The following TMEFF2 variants were observed in gnomAD, a reference collection of about 807,000 sequenced individuals.
TMEFF2 encodes tomoregulin-2.
Under a neutral mutation model 53.8 loss-of-function variants are expected in TMEFF2, and 28 were observed. That is an observed-to-expected ratio of 0.52 (90% CI 0.39 to 0.71). TMEFF2 has a LOEUF of 0.71. TMEFF2 is among the 30% of genes least tolerant of loss of function. TMEFF2 has a pLI of 0.00. For missense variants in TMEFF2, 353 were observed against 455.2 expected (o/e 0.78, Z 2.04); for synonymous variants, 162 against 166.3 (o/e 0.97, Z 0.20).
intron 5 of TMEFF2, among the ~76,000 whole-genome samples, chr2:192,024,908 T>C (rs891028443): frequency 6.6e-6 from 1 of 152,218 alleles, no homozygotes; most frequent in African/African-American, 2.4e-5. Context: ...ATTGCATGGA[T>C]AATTTCCTAT....
chr2:191,977,069 A>G (rs1161124519), intron 7 of TMEFF2, among the ~76,000 whole-genome samples: 2 of 152,234 alleles, frequency 1.3e-5, no homozygotes, highest in African/African-American at 4.8e-5. Context: ...TGCTCAATAA[A>G]TGAAAGTGGC....
chr2:192,194,006 A>G lies in TMEFF2; in HGVS notation c.172+347T>C, dbSNP rs144654384. Among the ~76,000 whole-genome samples, 457 of 152,298 alleles carry G rather than the reference A, an allele frequency of 3.0e-3. 1 individual carries two copies. Among genetic ancestry groups the G allele is most frequent in the Non-Finnish European group, 5.1e-3 (348 of 68,022 alleles). ...TAAGACTTTTTTCTTTAATGATGACAAAGCTTCTGTTTCAGTGTTTCCCCT... is the reference window on the plus strand; with the variant it reads ...TAAGACTTTTTTCTTTAATGATGACGAAGCTTCTGTTTCAGTGTTTCCCCT... On this transcript the variant is annotated intron_variant, in intron 1 of 9. Coordinates refer to ENST00000272771, the MANE Select transcript of TMEFF2 (RefSeq NM_016192.4). The surrounding 1 kb of genome is among the most constrained non-coding windows in gnomAD (Gnocchi z 4.2).
At position 191,955,524 on chromosome 2, in the gene TMEFF2, A is replaced by ATTTTTTTTTTTTTTT. The variant is rs71405028; in HGVS notation, c.869+716_869+730dup. 8.9e-3 allele frequency among the ~76,000 whole-genome samples: 539 copies of ATTTTTTTTTTTTTTT among 60,252 alleles called. 133 individuals are homozygous for ATTTTTTTTTTTTTTT. Among genetic ancestry groups the ATTTTTTTTTTTTTTT allele is most frequent in the African/African-American group, 0.016 (241 of 15,154 alleles). 39.5% of individuals were successfully genotyped at this position (60,252 alleles called of 152,430 possible). ...TGCCACCGTGCCTGGCTAATTCTTAATTTTTTTTTTTTTTTTTTTTTTTTA... is the reference window on the plus strand; with the variant it reads ...TGCCACCGTGCCTGGCTAATTCTTAATTTTTTTTTTTTTTTTTTTTTTTTTTTTTTTTTTTTTTTA... On this transcript the variant is annotated intron_variant, in intron 8 of 9. Transcript: ENST00000272771.
intron 5 of TMEFF2, among the ~76,000 whole-genome samples, chr2:192,051,115 G>A (rs1687760083): frequency 6.6e-6 from 1 of 152,076 alleles, no homozygotes; most frequent in Non-Finnish European, 1.5e-5. Context: ...TAAATGGAGG[G>A]AGGTCATACC....
intron 4 of TMEFF2, among the ~76,000 whole-genome samples, chr2:192,111,343 G>A (rs1419819861): frequency 2.0e-5 from 3 of 152,118 alleles, no homozygotes; most frequent in Non-Finnish European, 4.4e-5. Flanking sequence ...ATGGAGATGA[G>A]GAACTTGTTG....
intron 4 of TMEFF2, among the ~76,000 whole-genome samples, chr2:192,163,238 C>T (rs1468516606): frequency 2.0e-5 from 3 of 152,184 alleles, no homozygotes; most frequent in Middle Eastern, 6.8e-3. Context: ...ATAGGTAAAG[C>T]GCTATTGTGT....
At chr2:192,050,267 C>G (rs561015747) in intron 5 of TMEFF2, among the ~76,000 whole-genome samples, 13 of 152,268 alleles carry the variant, frequency 8.5e-5, no homozygotes, top group Admixed American at 5.9e-4. Context: ...GGGTTTGTAG[C>G]TGTCATAACC....
intron 7 of TMEFF2, among the ~76,000 whole-genome samples, chr2:191,993,429 C>T (rs577034879): frequency 4.6e-5 from 7 of 152,022 alleles, no homozygotes; most frequent in Admixed American, 1.3e-4. Flanking sequence ...CACAGGAACT[C>T]GACGCAGGCC....
chr2:192,144,356 C>T (rs115209344), intron 4 of TMEFF2, among the ~76,000 whole-genome samples: 2 of 152,156 alleles, frequency 1.3e-5, no homozygotes, highest in African/African-American at 4.8e-5. Context: ...TTATCTGATG[C>T]TTTAAAAATT....
At chr2:192,042,478 G>A (rs540311492) in intron 5 of TMEFF2, among the ~76,000 whole-genome samples, 1 of 152,296 alleles carries the variant, frequency 6.6e-6, no homozygotes, top group Admixed American at 6.5e-5. Context: ...GTGATAGGAA[G>A]TGAAATCCGT....
intron 3 of TMEFF2, 38 bp downstream of exon 3, chr2:192,184,312 TGGAA>T (rs1263797080): frequency 1.2e-6 from 2 of 1,600,692 alleles, no homozygotes; most frequent in Admixed American, 1.7e-5. Flanking sequence ...TTTTTGGATT[TGGAA>T]TCCATGCAGA....
rs76200080 is a variant in TMEFF2, at chr2:191,981,493, A to G, written c.745+16769T>C. 9.0e-3 allele frequency among the ~76,000 whole-genome samples: 1,376 copies of G among 152,276 alleles called. 14 individuals carry two copies. The highest frequency in any genetic ancestry group is 0.03 in the African/African-American group (1,265 of 41,550). On this transcript the variant is annotated intron_variant, in intron 7 of 9. Transcript: ENST00000272771. ...AGCTATGCTTTCCTCATTATACCTG[A>G]TCCCCAGGCAGGTTGTGAAGAGATG...
At chr2:191,964,229 TTTCCTTCCTTCC>T (rs138916856) in intron 7 of TMEFF2, among the ~76,000 whole-genome samples, 5 of 140,800 alleles carry the variant, frequency 3.6e-5, no homozygotes, top group East Asian at 4.2e-4. Context: ...TCTGTCTTTC[TTTCCTTCCTTCC>T]TTCCTTCCTT....
chr2:191,995,943 A>G (rs1686211732), intron 7 of TMEFF2, among the ~76,000 whole-genome samples: 1 of 151,974 alleles, frequency 6.6e-6, no homozygotes, highest in African/African-American at 2.4e-5. Flanking sequence ...CTGGACTACA[A>G]TGAGTGACAG....
chr2:192,179,657 G>A lies in TMEFF2; in HGVS notation c.439+11C>T. The A allele has an allele frequency of 1.9e-6, 3 of 1,553,656 alleles. No individual in the cohort carries two copies. Among genetic ancestry groups the A allele is most frequent in the Non-Finnish European group, 2.6e-6 (3 of 1,153,480 alleles). ...AGTAAATCTTCAAATATGTAAAAAG[G>A]CAACTCCTACCTCCATCTCCAGATC... On this transcript the variant is annotated intron_variant, in intron 4 of 9. Transcript: ENST00000272771.
chr2:192,184,458 C>T lies in TMEFF2; in HGVS notation c.308G>A (p.Cys103Tyr), dbSNP rs1245580000. Reference sequence around the variant, plus strand: ...CTGGTAGCTCTCCCCATTGGAGCCACACACAGGCACATAGTCATTGTTGCA... The same window carrying T: ...CTGGTAGCTCTCCCCATTGGAGCCATACACAGGCACATAGTCATTGTTGCA... The part of the protein sequence containing the change: ...FKCNNDYVPV[C>Y]GSNGESYQNE... Residue 103 changes from cysteine (C) to tyrosine (Y), a missense_variant, in exon 3 of 10, where the codon TGT (cysteine) becomes TAT (tyrosine). Transcript: ENST00000272771. 8.7e-6 allele frequency: 14 copies of T among 1,613,310 alleles called. No individual in the cohort carries two copies. The highest frequency in any genetic ancestry group is 1.1e-5 in the Non-Finnish European group (13 of 1,179,474).
chr2:192,120,524 C>T (rs1015805693), intron 4 of TMEFF2, among the ~76,000 whole-genome samples: 2 of 152,122 alleles, frequency 1.3e-5, no homozygotes, highest in African/African-American at 4.8e-5. Flanking sequence ...GCATAAAATC[C>T]AACTTGTTCT....
chr2:192,096,372 G>A (rs1036094800), intron 4 of TMEFF2, among the ~76,000 whole-genome samples: 6 of 151,986 alleles, frequency 3.9e-5, no homozygotes, highest in Non-Finnish European at 8.8e-5. Flanking sequence ...GATTTAAAGG[G>A]TACTATTATA....
chr2:191,969,361 C>A (rs1692565847), intron 7 of TMEFF2, among the ~76,000 whole-genome samples: 1 of 151,970 alleles, frequency 6.6e-6, no homozygotes, highest in African/African-American at 2.4e-5. Flanking sequence ...AGTGAAATGT[C>A]CATAAAGGTA....
Sources: gnomAD v4.1 joint callset for allele counts (sites outside exome capture counted in the v4.1 genomes callset) on GRCh38, gnomAD v4.1.1 for gene constraint, Gnocchi (gnomAD v3.1) non-coding constraint, MANE v1.5 for transcripts, NCBI Gene and HGNC (gene_info 2026-07-23, HGNC 2026-07-21) for gene names.